ACYP2: variants seen among roughly 807,000 people sequenced by gnomAD.
ACYP2 encodes the protein acylphosphatase-2.
ACYP2 carries 12 observed loss-of-function variants against 11.2 expected under a neutral mutation model. The ratio of observed to expected loss-of-function variants is 1.08; its 90% CI spans 0.69 to 1.74. The LOEUF (loss-of-function observed/expected upper bound fraction) is 1.74, where lower values mean the gene tolerates loss of function less well. Among genes scored for constraint, ACYP2 ranks in the 40% most tolerant of loss-of-function variants. The probability of loss-of-function intolerance (pLI) is 0.00; values close to 1 mark genes in which losing one functional copy is unlikely to be tolerated. For missense variants in ACYP2, 134 were observed against 101.9 expected (o/e 1.31, Z -1.35); for synonymous variants, 43 against 32.2 (o/e 1.33, Z -1.13).
intron 4 of ACYP2, among the ~76,000 whole-genome samples, chr2:54,058,679 A>G (rs922557107): frequency 1.3e-5 from 2 of 151,700 alleles, no homozygotes; most frequent in African/African-American, 4.8e-5. Context: ...TTTACTTTAG[A>G]TAAAACATGA....
intron 2 of ACYP2, among the ~76,000 whole-genome samples, chr2:53,991,070 A>C (rs1672268079): frequency 6.6e-6 from 1 of 152,236 alleles, no homozygotes; most frequent in Non-Finnish European, 1.5e-5. Context: ...TGCTGGGATT[A>C]CAGGCGTGAG....
intron 6 of ACYP2, among the ~76,000 whole-genome samples, chr2:54,283,438 T>C (rs976733255): frequency 1.3e-5 from 2 of 152,174 alleles, no homozygotes; most frequent in Non-Finnish European, 2.9e-5. Context: ...CAGGACTCTG[T>C]GTAGTGCTTT....
intron 3 of ACYP2, chr2:54,051,908 G>C (rs932304738): frequency 8.4e-5 from 23 of 274,948 alleles, no homozygotes; most frequent in African/African-American, 4.6e-4. Flanking sequence ...TTAGCTGGGC[G>C]TGGTAATGCA....
rs1671736640 is a variant in ACYP2, at chr2:53,981,082, AT to A, written c.62+7277del. 3.9e-5 allele frequency among the ~76,000 whole-genome samples: 6 copies of A among 152,068 alleles called. No individual in the cohort carries two copies. The South Asian group carries it at 1.2e-3, about 32-fold the overall frequency. ...TACCATTTTTTATCTTTTATACTGT[AT>A]TTTTACTGCACCTCTTCTATGTTTA... On this transcript the variant is annotated intron_variant, in intron 2 of 6. Coordinates refer to ENST00000607452, the MANE Select transcript of ACYP2 (RefSeq NM_001320586.2).
intron 5 of ACYP2, among the ~76,000 whole-genome samples, chr2:54,137,173 C>G (rs1681296459): frequency 6.6e-6 from 1 of 151,692 alleles, no homozygotes; most frequent in Admixed American, 6.6e-5. Flanking sequence ...ATTTCTGTGC[C>G]AAGTCCAGAG....
chr2:54,061,948 T>G (rs745863448), intron 4 of ACYP2, among the ~76,000 whole-genome samples: 1 of 152,198 alleles, frequency 6.6e-6, no homozygotes, highest in Non-Finnish European at 1.5e-5. Context: ...ATTACAGATG[T>G]GAACAACTGT....
intron 6 of ACYP2, among the ~76,000 whole-genome samples, chr2:54,205,162 A>G (rs1685019627): frequency 1.3e-5 from 2 of 152,164 alleles, no homozygotes; most frequent in Non-Finnish European, 2.9e-5. Context: ...TTGCTTTGTT[A>G]GGTCAGGGAG....
At chr2:54,251,359 G>GT (rs76809276) in intron 6 of ACYP2, among the ~76,000 whole-genome samples, 40,738 of 151,132 alleles carry the variant, frequency 0.27, 5,620 homozygotes, top group South Asian at 0.42. Flanking sequence ...AAAATAATGT[G>GT]TTTTTTTTTG....
At chr2:54,224,228 T>A (rs963295592) in intron 6 of ACYP2, among the ~76,000 whole-genome samples, 2 of 152,328 alleles carry the variant, frequency 1.3e-5, no homozygotes, top group African/African-American at 4.8e-5. Context: ...ATGCCCCAGT[T>A]TTCCTGTGGT....
chr2:54,051,798 A>G (rs140645362), intron 3 of ACYP2: 13,482 of 405,870 alleles, frequency 0.033, 324 homozygotes, highest in Non-Finnish European at 0.047. Flanking sequence ...TAATCCCGGC[A>G]CTTTGGGAGG....
rs141241050 is a variant in ACYP2 at position 53,984,503 on chromosome 2, G to C, written c.62+10693G>C. ...GAGGCAGGATAATCTCTTGAACCGG[G>C]GGGGTGGGGGTTGCAGCGAGCCGAG... is the stretch of plus-strand genomic sequence containing the variant. On this transcript the variant is annotated intron_variant, in intron 2 of 6. Transcript: ENST00000607452. Among the ~76,000 whole-genome samples the C allele has an allele frequency of 2.0e-4, 31 of 151,972 alleles. No homozygotes were observed. In the East Asian group the frequency reaches 5.0e-3, roughly 25 times the overall value.
intron 2 of ACYP2, among the ~76,000 whole-genome samples, chr2:54,047,873 G>C (rs1403808716): frequency 6.6e-5 from 10 of 152,164 alleles, no homozygotes; most frequent in Non-Finnish European, 1.5e-4. Context: ...GTCTCCTCAA[G>C]AGTTGAGTCA....
intron 2 of ACYP2, among the ~76,000 whole-genome samples, chr2:53,974,100 G>C (rs1180743791): frequency 6.6e-6 from 1 of 151,150 alleles, no homozygotes; most frequent in Non-Finnish European, 1.5e-5. Flanking sequence ...ATTTTTAGTA[G>C]AGACAGGCTT....
intron 4 of ACYP2, among the ~76,000 whole-genome samples, chr2:54,129,027 C>A (rs1412133591): frequency 6.6e-6 from 1 of 152,128 alleles, no homozygotes; most frequent in Non-Finnish European, 1.5e-5. Flanking sequence ...AAAATTAAGT[C>A]CACAAATCCA....
intron 3 of ACYP2, chr2:54,051,123 A>C (rs17189617): frequency 0.034 from 22,431 of 663,920 alleles, 527 homozygotes; most frequent in Non-Finnish European, 0.047. Flanking sequence ...ATTGCAGTAC[A>C]CTGAACTCCA....
At chr2:54,194,536 A>G (rs1010192998) in intron 6 of ACYP2, among the ~76,000 whole-genome samples, 2 of 152,158 alleles carry the variant, frequency 1.3e-5, no homozygotes, top group African/African-American at 4.8e-5. Context: ...TTTTTCTTTT[A>G]TCAGGAAGTC....
chr2:54,016,557 T>G (rs963353691), intron 2 of ACYP2, among the ~76,000 whole-genome samples: 1 of 152,126 alleles, frequency 6.6e-6, no homozygotes, highest in Non-Finnish European at 1.5e-5. Context: ...AGAAGAGTTT[T>G]ATATAAGTGA....
At chr2:54,000,694 C>A (rs1672757972) in intron 2 of ACYP2, among the ~76,000 whole-genome samples, 1 of 152,188 alleles carries the variant, frequency 6.6e-6, no homozygotes, top group Non-Finnish European at 1.5e-5. Context: ...ATGATAACCC[C>A]AGCAGGGGCA....
chr2:53,971,873 C>G (rs1333047841), intron 1 of ACYP2, among the ~76,000 whole-genome samples: 2 of 152,172 alleles, frequency 1.3e-5, no homozygotes, highest in Non-Finnish European at 2.9e-5. Context: ...TCTAAAAATT[C>G]AAAGTTCAAA....
Sources: allele counts gnomAD v4.1 joint callset (sites outside exome capture counted in the v4.1 genomes callset), GRCh38; gene constraint gnomAD v4.1.1; transcripts MANE v1.5; gene names NCBI Gene and HGNC (gene_info 2026-07-23, HGNC 2026-07-21).